The following AOX1 variants were observed in gnomAD, a reference collection of about 807,000 sequenced individuals.
AOX1 encodes aldehyde oxidase 1.
A neutral mutation model predicts 169.5 loss-of-function variants in AOX1; 153 were observed. The observed-to-expected ratio is 0.90, with a 90% CI of 0.79 to 1.03. AOX1 has a LOEUF of 1.03. Ranked by LOEUF, AOX1 falls within the 50% of genes least tolerant of loss-of-function variation. The pLI is 0.00. For synonymous variants in AOX1, 562 were observed against 581.9 expected (o/e 0.97, Z 0.49); for missense variants, 1,656 against 1,663.9 (o/e 1.00, Z 0.08).
chr2:200,677,114 T>C, downstream of AOX1: 1 of 358,808 alleles, frequency 2.8e-6, no homozygotes, highest in Non-Finnish European at 5.6e-6. Context: ...GATCCTAGGT[T>C]CAGGTGACTT....
intron 25 of AOX1, among the ~76,000 whole-genome samples, chr2:200,648,129 G>T (rs549101331): frequency 6.6e-6 from 1 of 152,266 alleles, no homozygotes; most frequent in African/African-American, 2.4e-5. Flanking sequence ...CATTGCTGGT[G>T]AACTAGTGTG....
chr2:200,610,567 T>G (rs2034613981), intron 12 of AOX1, among the ~76,000 whole-genome samples: 1 of 152,188 alleles, frequency 6.6e-6, no homozygotes, highest in Admixed American at 6.5e-5. Flanking sequence ...ATTCTTCAGG[T>G]GTTGGAACAA....
At chr2:200,645,794 T>C (rs1456315963) in intron 25 of AOX1, among the ~76,000 whole-genome samples, 1 of 152,170 alleles carries the variant, frequency 6.6e-6, no homozygotes, top group East Asian at 1.9e-4. Context: ...TGATTTAATC[T>C]GGGAGGGTGT....
chr2:200,613,784 C>A lies in AOX1; in HGVS notation c.1449-20C>A. The A allele has an allele frequency of 6.2e-7, 1 of 1,606,912 alleles. No individual in the cohort carries two copies. Among genetic ancestry groups the A allele is most frequent in the Non-Finnish European group, 8.5e-7 (1 of 1,176,844 alleles). On this transcript the variant is annotated intron_variant, in intron 14 of 34. Transcript: ENST00000374700. The stretch of plus-strand genomic sequence containing the variant: ...TAATAAACCCTGTCAGGCTAGGAGT[C>A]TTCTCTTTGGACTTTCCAGGCACTG...
downstream of AOX1, among the ~76,000 whole-genome samples, chr2:200,676,290 G>A (rs2036096201): frequency 6.6e-6 from 1 of 152,028 alleles, no homozygotes; most frequent in Admixed American, 6.6e-5. Context: ...AAGCAGCTTC[G>A]TGTTGCTGCT....
At chr2:200,672,080 A>C (rs1427117440), downstream of AOX1, among the ~76,000 whole-genome samples, 1 of 152,228 alleles carries the variant, frequency 6.6e-6, no homozygotes, top group East Asian at 1.9e-4. Context: ...CATCTATACA[A>C]AATGTCCAGA....
rs541618444 is a variant in AOX1, at chr2:200,635,132, A to C, written c.2346+217A>C. Reference sequence around the variant, plus strand: ...GTCTCTAACACAAAACAAACAAAACAAAACCAATAATGTTATTTCTTCAGG... The same window carrying C: ...GTCTCTAACACAAAACAAACAAAACCAAACCAATAATGTTATTTCTTCAGG... On this transcript the variant is annotated intron_variant, in intron 21 of 34. Coordinates refer to ENST00000374700, the MANE Select transcript of AOX1 (RefSeq NM_001159.4). Among the ~76,000 whole-genome samples, 5 of 152,304 alleles carry C rather than the reference A, an allele frequency of 3.3e-5. No homozygotes were observed. The South Asian group carries it at 1.0e-3, about 32-fold the overall frequency.
chr2:200,635,082 A>G (rs1030100421), intron 21 of AOX1, among the ~76,000 whole-genome samples, 167 bp downstream of exon 21: 1 of 152,206 alleles, frequency 6.6e-6, no homozygotes, highest in Admixed American at 6.5e-5. Context: ...ACTGCACTCC[A>G]GCCTGGGAGA....
intron 21 of AOX1, among the ~76,000 whole-genome samples, chr2:200,635,395 A>C (rs547171763): frequency 2.0e-5 from 3 of 152,316 alleles, no homozygotes; most frequent in African/African-American, 7.2e-5. Context: ...AACTCACAGG[A>C]AACAGTTAAG....
At chr2:200,622,594 A>G (rs555246893) in intron 18 of AOX1, among the ~76,000 whole-genome samples, 9 of 152,304 alleles carry the variant, frequency 5.9e-5, no homozygotes, top group Admixed American at 2.0e-4. Context: ...ACTGGCAGAG[A>G]CGGTGAGAAT....
downstream of AOX1, among the ~76,000 whole-genome samples, chr2:200,677,888 G>A (rs115348790): frequency 0.012 from 1,762 of 152,276 alleles, 35 homozygotes; most frequent in African/African-American, 0.039. Context: ...CACACTCCAC[G>A]TGCGGCTATG....
At chr2:200,594,605 A>G (rs925926750) in intron 2 of AOX1, among the ~76,000 whole-genome samples, 3 of 152,188 alleles carry the variant, frequency 2.0e-5, no homozygotes, top group African/African-American at 7.2e-5. Flanking sequence ...CAAAGAAAGA[A>G]GCACCCCTCT....
At chr2:200,679,754 G>A (rs929697707), downstream of AOX1, among the ~76,000 whole-genome samples, 9 of 152,066 alleles carry the variant, frequency 5.9e-5, no homozygotes, top group East Asian at 1.7e-3. Context: ...CATAAAAAAG[G>A]GATGATTCAC....
chr2:200,618,653 C>T (rs1219511686), intron 16 of AOX1, among the ~76,000 whole-genome samples: 1 of 152,122 alleles, frequency 6.6e-6, no homozygotes, highest in Non-Finnish European at 1.5e-5. Flanking sequence ...CTATCTCCAG[C>T]CAGAGGTTTT....
At chr2:200,676,456 C>T (rs1377454776), downstream of AOX1, among the ~76,000 whole-genome samples, 1 of 151,868 alleles carries the variant, frequency 6.6e-6, no homozygotes, top group Non-Finnish European at 1.5e-5. Flanking sequence ...AAAAATTAGT[C>T]GGGCCTGGTG....
At chr2:200,664,741 C>G (rs2105773783) in intron 31 of AOX1, among the ~76,000 whole-genome samples, 1 of 152,348 alleles carries the variant, frequency 6.6e-6, no homozygotes, top group Middle Eastern at 3.4e-3. Context: ...CTCAGCCATT[C>G]TCCTGTTGAT....
chr2:200,613,160 A>C (rs1399470821), intron 14 of AOX1, among the ~76,000 whole-genome samples: 1 of 152,180 alleles, frequency 6.6e-6, no homozygotes, highest in Non-Finnish European at 1.5e-5. Context: ...ATAAATTGTT[A>C]AAGGCATTTG....
At chr2:200,672,053 T>G (rs1002278151), downstream of AOX1, among the ~76,000 whole-genome samples, 1 of 152,190 alleles carries the variant, frequency 6.6e-6, no homozygotes, top group Non-Finnish European at 1.5e-5. Context: ...CACAAAAGGC[T>G]GCATATTATA....
chr2:200,665,267 C>A (rs1309879643), intron 31 of AOX1, among the ~76,000 whole-genome samples: 1 of 152,220 alleles, frequency 6.6e-6, no homozygotes, highest in African/African-American at 2.4e-5. Flanking sequence ...ACTGGTCAAA[C>A]AGGCTGGCCT....
Sources: gnomAD v4.1 joint callset for allele counts (sites outside exome capture counted in the v4.1 genomes callset) on GRCh38, gnomAD v4.1.1 for gene constraint, MANE v1.5 for transcripts, NCBI Gene and HGNC (gene_info 2026-07-23, HGNC 2026-07-21) for gene names.